VPS35L: variants seen among roughly 807,000 people sequenced by gnomAD.
The protein encoded by VPS35L is VPS35 endosomal protein sorting factor like.
Under a neutral mutation model 133.0 loss-of-function variants are expected in VPS35L, and 83 were observed. The observed-to-expected ratio is 0.62, with a 90% confidence interval of 0.52 to 0.75. VPS35L has a LOEUF of 0.75. VPS35L is among the 30% of genes least tolerant of loss of function. VPS35L has a pLI of 0.00. For missense variants in VPS35L, 1,083 were observed against 1,206.8 expected (o/e 0.90, Z 1.52); for synonymous variants, 423 against 449.9 (o/e 0.94, Z 0.76).
chr16:19,569,389 G>A lies in VPS35L; in HGVS notation c.118-35G>A, dbSNP rs8062210. ...AGTGTTTCACTGGAGAGAGTTGTGG[G>A]AGTTCCGTTTTACCTCCAGAAATTT... On this transcript the variant is annotated intron_variant, in intron 2 of 30. Transcript: ENST00000417362. The A allele has an allele frequency of 3.3e-5, 52 of 1,596,866 alleles. 1 individual carries two copies. In the South Asian group the frequency reaches 3.6e-4, roughly 11 times the overall value.
chr16:19,669,276 T>G lies in VPS35L; in HGVS notation c.2338T>G (p.Phe780Val). Residue 780 changes from phenylalanine (F) to valine (V), a missense_variant, in exon 27 of 31, where the codon TTT becomes GTT. Coordinates refer to ENST00000417362, the MANE Select transcript of VPS35L (RefSeq NM_020314.7). The stretch of plus-strand genomic sequence containing the variant: ...CCTTCTGGAATTCCTCTGCAATTTC[T>G]TTTCTACTTTATTAATAGTTCCGGT... The part of the protein sequence containing the change: ...SFLLEFLCNF[F>V]STLLIVPDHP... 1 of 1,612,432 alleles carries G rather than the reference T, an allele frequency of 6.2e-7. No individual in the cohort carries two copies. Among genetic ancestry groups the G allele is most frequent in the Non-Finnish European group, 8.5e-7 (1 of 1,178,814 alleles).
chr16:19,630,749 T>A (rs1486166261), intron 18 of VPS35L, among the ~76,000 whole-genome samples: 1 of 152,020 alleles, frequency 6.6e-6, no homozygotes, highest in African/African-American at 2.4e-5. Flanking sequence ...GGAGCCTAGG[T>A]CATGGCAGGC....
At chr16:19,686,110 T>G (rs905136128) in intron 28 of VPS35L, among the ~76,000 whole-genome samples, 2 of 152,160 alleles carry the variant, frequency 1.3e-5, no homozygotes, top group Non-Finnish European at 2.9e-5. Context: ...CCAGCTGTGT[T>G]TACTTTGAAT....
At chr16:19,573,827 A>C (rs1270538327) in intron 4 of VPS35L, among the ~76,000 whole-genome samples, 1 of 152,090 alleles carries the variant, frequency 6.6e-6, no homozygotes, top group Non-Finnish European at 1.5e-5. Context: ...AAAATTAATT[A>C]ATTAATTAAT....
At chr16:19,686,380 C>T (rs771208846) in intron 28 of VPS35L, among the ~76,000 whole-genome samples, 2 of 152,186 alleles carry the variant, frequency 1.3e-5, no homozygotes, top group Non-Finnish European at 2.9e-5. Flanking sequence ...GGTGCTTTTA[C>T]ACGAGGTTAC....
At chr16:19,575,179 AT>A in intron 5 of VPS35L, 57 bp downstream of exon 5, 2 of 1,538,538 alleles carry the variant, frequency 1.3e-6, no homozygotes, top group Non-Finnish European at 1.8e-6. Context: ...TTTTAGTATA[AT>A]TTTACAAAGG....
intron 23 of VPS35L, among the ~76,000 whole-genome samples, chr16:19,645,351 G>A (rs1040463323): frequency 7.3e-5 from 11 of 149,700 alleles, no homozygotes; most frequent in African/African-American, 2.7e-4. Flanking sequence ...GTGCAGTGGC[G>A]CGATCTCAGC....
At chr16:19,577,466 T>G (rs1041599580) in intron 5 of VPS35L, among the ~76,000 whole-genome samples, 1 of 152,136 alleles carries the variant, frequency 6.6e-6, no homozygotes, top group South Asian at 2.1e-4. Flanking sequence ...CCTCCAACAC[T>G]GGGGATCACA....
At chr16:19,643,746 GATCAGCCTGGCCAACATGGTGAA>G (rs1272355693) in intron 22 of VPS35L, among the ~76,000 whole-genome samples, 10 of 151,484 alleles carry the variant, frequency 6.6e-5, no homozygotes, top group Non-Finnish European at 1.3e-4. Context: ...AGGAGTTTGA[GATCAGCCTGGCCAACATGGTGAA>G]ACCCCGTCTC....
intron 1 of VPS35L, among the ~76,000 whole-genome samples, chr16:19,556,012 A>G (rs142418425): frequency 3.4e-4 from 52 of 152,122 alleles, no homozygotes; most frequent in Non-Finnish European, 6.3e-4. Flanking sequence ...CCCTAAAGAA[A>G]ACTTGAGTTT....
chr16:19,646,930 C>T (rs1020453830), intron 23 of VPS35L, among the ~76,000 whole-genome samples: 1 of 152,116 alleles, frequency 6.6e-6, no homozygotes, highest in Non-Finnish European at 1.5e-5. Flanking sequence ...GCCAAAACAC[C>T]AACTGCTGCA....
At chr16:19,636,012 C>T (rs796841466) in intron 19 of VPS35L, among the ~76,000 whole-genome samples, 8 of 152,146 alleles carry the variant, frequency 5.3e-5, no homozygotes, top group South Asian at 2.1e-4. Flanking sequence ...GGCAAAACCC[C>T]GTCACTACTA....
chr16:19,569,307 T>C, intron 2 of VPS35L, 117 bp from the exon 3 acceptor site: 3 of 1,162,164 alleles, frequency 2.6e-6, no homozygotes. Context: ...TGGTTAAGTC[T>C]CTGCTGCAAA....
chr16:19,615,647 C>A (rs1972862426), intron 12 of VPS35L, among the ~76,000 whole-genome samples: 2 of 146,602 alleles, frequency 1.4e-5, no homozygotes, highest in Admixed American at 6.9e-5. Flanking sequence ...GAGACTCTGT[C>A]TCAAAACAAA....
At chr16:19,693,656 T>C (rs767987717) in intron 29 of VPS35L, among the ~76,000 whole-genome samples, 4 of 152,048 alleles carry the variant, frequency 2.6e-5, no homozygotes, top group African/African-American at 7.2e-5. Flanking sequence ...TGGTGGTGTG[T>C]GCCTGTAGTC....
At chr16:19,624,338 T>G (rs567591454) in intron 14 of VPS35L, among the ~76,000 whole-genome samples, 1 of 151,570 alleles carries the variant, frequency 6.6e-6, no homozygotes, top group East Asian at 2.0e-4. Flanking sequence ...ATCCCAGCAC[T>G]TTGCAGGGCT....
intron 8 of VPS35L, among the ~76,000 whole-genome samples, chr16:19,600,594 C>T (rs987068032): frequency 6.6e-6 from 1 of 152,184 alleles, no homozygotes; most frequent in Non-Finnish European, 1.5e-5. Context: ...TGAGTACCCC[C>T]TGTGTGCCAG....
At chr16:19,647,749 A>G (rs758857505) in intron 23 of VPS35L, 35 bp from the exon 24 acceptor site, 6 of 1,529,302 alleles carry the variant, frequency 3.9e-6, no homozygotes, top group Non-Finnish European at 5.4e-6. Flanking sequence ...TAAAAATACC[A>G]CTGTCCCTTT....
At chr16:19,669,327 C>T (rs1226420597) in intron 27 of VPS35L, 28 bp downstream of exon 27, 1 of 1,584,166 alleles carries the variant, frequency 6.3e-7, no homozygotes, top group Admixed American at 1.7e-5. Context: ...AACCGCAGGA[C>T]ATGTCTTCCT....
Sources: gnomAD v4.1 joint callset for allele counts (sites outside exome capture counted in the v4.1 genomes callset) on GRCh38, gnomAD v4.1.1 for gene constraint, MANE v1.5 for transcripts, NCBI Gene and HGNC (gene_info 2026-07-23, HGNC 2026-07-21) for gene names.